The following AFF3 variants were observed in gnomAD, a reference collection of about 807,000 sequenced individuals.
AFF3 encodes the protein AF4/FMR2 family member 3.
AFF3 carries 32 observed loss-of-function variants against 129.7 expected under a neutral mutation model. The ratio of observed to expected loss-of-function variants is 0.25; its 90% CI spans 0.19 to 0.33. The LOEUF (loss-of-function observed/expected upper bound fraction) is 0.33, where lower values mean the gene tolerates loss of function less well. AFF3 is among the 10% of genes least tolerant of loss of function. The pLI, the probability that AFF3 is intolerant of heterozygous loss-of-function variation, is 1.00. For missense variants in AFF3, 1,373 were observed against 1,592.0 expected (o/e 0.86, Z 2.34); for synonymous variants, 644 against 635.4 (o/e 1.01, Z -0.20).
At chr2:100,054,865 G>T (rs1187617368) in intron 4 of AFF3, among the ~76,000 whole-genome samples, 3 of 152,146 alleles carry the variant, frequency 2.0e-5, no homozygotes, top group East Asian at 3.9e-4. Flanking sequence ...GGCAGTGGAG[G>T]TCAGCCTCTT....
At chr2:100,105,370 A>G (rs1691206645) in intron 3 of AFF3, 134 bp downstream of exon 3, 1 of 1,259,720 alleles carries the variant, frequency 7.9e-7, no homozygotes, top group Admixed American at 2.6e-5. Flanking sequence ...GTTCAGCGAA[A>G]TAAAGCGGCG....
chr2:99,630,693 G>A (rs1683044071), intron 13 of AFF3: 1 of 157,616 alleles, frequency 6.3e-6, no homozygotes, highest in Non-Finnish European at 1.4e-5. Flanking sequence ...CTTACATGGT[G>A]GCAGGAGAGA....
chr2:100,142,392 A>G (rs1692926373), intron 1 of AFF3, 92 bp downstream of exon 1: 1 of 152,282 alleles, frequency 6.6e-6, no homozygotes, highest in African/African-American at 2.4e-5. Context: ...ACAGCTACTT[A>G]GAGCGCCACC....
chr2:99,564,808 T>C (rs1373204765), intron 20 of AFF3, among the ~76,000 whole-genome samples: 1 of 152,212 alleles, frequency 6.6e-6, no homozygotes, highest in East Asian at 1.9e-4. Context: ...TTATGGATAT[T>C]AGACATTATG....
At chr2:99,988,031 C>T (rs145089176) in intron 7 of AFF3, among the ~76,000 whole-genome samples, 17 of 151,812 alleles carry the variant, frequency 1.1e-4, no homozygotes, top group African/African-American at 3.1e-4. Flanking sequence ...TCCAGGAGCA[C>T]GCAGAACAAT....
At chr2:99,785,666 T>C (rs547015818) in intron 8 of AFF3, among the ~76,000 whole-genome samples, 27 of 152,374 alleles carry the variant, frequency 1.8e-4, no homozygotes, top group African/African-American at 6.0e-4. Flanking sequence ...TGGAAGAGTT[T>C]AGAACTCTTC....
intron 8 of AFF3, among the ~76,000 whole-genome samples, chr2:99,836,789 G>A (rs1314481205): frequency 2.0e-5 from 3 of 151,698 alleles, no homozygotes; most frequent in Non-Finnish European, 4.4e-5. Context: ...TCAGCTTTTT[G>A]AGAACTATAA....
At chr2:99,712,813 G>A (rs191740940) in intron 11 of AFF3, among the ~76,000 whole-genome samples, 3 of 152,272 alleles carry the variant, frequency 2.0e-5, no homozygotes, top group Admixed American at 2.0e-4. Flanking sequence ...TATTCACAAT[G>A]GCCAAAAGGT....
chr2:99,969,616 G>A (rs1339167964), intron 7 of AFF3, among the ~76,000 whole-genome samples: 1 of 152,080 alleles, frequency 6.6e-6, no homozygotes, highest in Non-Finnish European at 1.5e-5. Flanking sequence ...AGCCTCCCTA[G>A]TAGCTTGGAT....
At position 99,744,143 on chromosome 2, in the gene AFF3, G is replaced by A. The variant is rs772830223; in HGVS notation, c.1003-3C>T. ...CCAGAGGATACAAGCTGAGAGTCCT[G>A]AAAGAACAAGAAATATCAATTAATT... is the stretch of plus-strand genomic sequence containing the variant. On this transcript the variant is annotated splice_polypyrimidine_tract_variant and splice_region_variant and intron_variant, in intron 9 of 24. Coordinates refer to ENST00000672756, the MANE Select transcript of AFF3 (RefSeq NM_001386135.1). 1 of 1,599,042 alleles carries A rather than the reference G, an allele frequency of 6.3e-7. No homozygotes were observed. Among genetic ancestry groups the A allele is most frequent in the South Asian group, 1.1e-5 (1 of 88,560 alleles).
intron 8 of AFF3, among the ~76,000 whole-genome samples, chr2:99,808,648 G>C (rs917556932): frequency 1.3e-5 from 2 of 151,960 alleles, no homozygotes; most frequent in Non-Finnish European, 2.9e-5. Context: ...GAATTAAGAA[G>C]TGGCTTTTTA....
intron 4 of AFF3, among the ~76,000 whole-genome samples, chr2:100,094,180 G>A (rs1356528304): frequency 6.6e-6 from 1 of 152,168 alleles, no homozygotes; most frequent in African/African-American, 2.4e-5. Flanking sequence ...CATGGACCAG[G>A]GGTGGAGAGA....
chr2:99,590,768 G>A (rs992150687), intron 15 of AFF3, among the ~76,000 whole-genome samples: 3 of 152,166 alleles, frequency 2.0e-5, no homozygotes, highest in Non-Finnish European at 1.5e-5. Context: ...CGAGGCAGGC[G>A]GATCACCTGA....
chr2:99,961,699 T>C (rs765218010), intron 7 of AFF3, among the ~76,000 whole-genome samples: 9 of 152,106 alleles, frequency 5.9e-5, no homozygotes, highest in Non-Finnish European at 7.4e-5. Context: ...AGGTTCCATG[T>C]GAAAGGTGAA....
intron 7 of AFF3, among the ~76,000 whole-genome samples, chr2:99,906,202 T>C (rs1187307010): frequency 6.6e-6 from 1 of 152,244 alleles, no homozygotes; most frequent in Non-Finnish European, 1.5e-5. Flanking sequence ...GACTGTTTAC[T>C]TTTATCATGC....
At chr2:99,854,595 A>G (rs76083163) in intron 7 of AFF3, among the ~76,000 whole-genome samples, 2,236 of 152,336 alleles carry the variant, frequency 0.015, 28 homozygotes, top group Middle Eastern at 0.031. Context: ...CATTAATTAC[A>G]GCTCACAACC....
In AFF3 at chr2:99,929,944, ACTT is replaced by A. The variant is rs1401574871; in HGVS notation, c.873+76685_873+76687del. The stretch of plus-strand genomic sequence containing the variant: ...TTTTTTTTTTTTTAATGAGTATCTG[ACTT>A]CTTCATGTGTTACAAACTCAGGAAA... On this transcript the variant is annotated intron_variant, in intron 7 of 24. Coordinates refer to ENST00000672756, the MANE Select transcript of AFF3 (RefSeq NM_001386135.1). 2.6e-5 allele frequency among the ~76,000 whole-genome samples: 4 copies of A among 151,278 alleles called. No individual in the cohort carries two copies. In the East Asian group the frequency reaches 7.7e-4, roughly 29 times the overall value.
chr2:99,598,641 G>C lies in AFF3; in HGVS notation c.1371+2794C>G, dbSNP rs544947958. The stretch of plus-strand genomic sequence containing the variant: ...CCCATAGCAGGATGTTACAGCAGGG[G>C]AGTGAGGAACAGAGGCGTTCTGCTT... On this transcript the variant is annotated intron_variant, in intron 14 of 24. Coordinates refer to ENST00000672756, the MANE Select transcript of AFF3 (RefSeq NM_001386135.1). Among the ~76,000 whole-genome samples, 8 of 152,354 alleles carry C rather than the reference G, an allele frequency of 5.3e-5. No individual in the cohort carries two copies. The East Asian group carries it at 1.5e-3, about 29-fold the overall frequency.
At chr2:99,575,460 T>G (rs1676901246) in intron 18 of AFF3, among the ~76,000 whole-genome samples, 2 of 146,804 alleles carry the variant, frequency 1.4e-5, no homozygotes, top group African/African-American at 5.2e-5. Flanking sequence ...GGGGTTTCAC[T>G]GTGTTGGCCA....
Sources: allele counts gnomAD v4.1 joint callset (sites outside exome capture counted in the v4.1 genomes callset), GRCh38; gene constraint gnomAD v4.1.1; transcripts MANE v1.5; gene names NCBI Gene and HGNC (gene_info 2026-07-23, HGNC 2026-07-21).